NAV2: variants seen among roughly 807,000 people sequenced by gnomAD.
NAV2 encodes helicase, APC down-regulated 1.
A neutral mutation model predicts 223.2 loss-of-function variants in NAV2; 54 were observed. The ratio of observed to expected loss-of-function variants is 0.24; its 90% CI spans 0.19 to 0.30. The LOEUF (loss-of-function observed/expected upper bound fraction) is 0.30. Ranked by LOEUF, NAV2 falls within the 10% of genes least tolerant of loss-of-function variation. NAV2 has a pLI of 1.00. For missense variants in NAV2, 2,806 were observed against 3,147.5 expected, an observed-to-expected ratio of 0.89 and a Z score of 2.60; for synonymous variants, 1,279 against 1,239.3, an observed-to-expected ratio of 1.03 and a Z score of -0.67.
chr11:19,538,633 C>T (rs947691714), intron 1 of NAV2, among the ~76,000 whole-genome samples: 1 of 151,910 alleles, frequency 6.6e-6, no homozygotes, highest in Admixed American at 6.6e-5. Context: ...AGATTACAGG[C>T]GTTAGCTGCC....
intron 11 of NAV2, among the ~76,000 whole-genome samples, chr11:20,011,940 A>G (rs937106504): frequency 1.3e-5 from 2 of 152,238 alleles, no homozygotes; most frequent in African/African-American, 2.4e-5. Context: ...TGGGCTGCCA[A>G]TAAAGCTTGT....
At chr11:19,607,121 C>G (rs2046496752) in intron 1 of NAV2, among the ~76,000 whole-genome samples, 1 of 152,230 alleles carries the variant, frequency 6.6e-6, no homozygotes, top group African/African-American at 2.4e-5. Context: ...GGGCCGCTCT[C>G]AGTTTGTGTC....
intron 3 of NAV2, among the ~76,000 whole-genome samples, chr11:19,850,479 T>C (rs553653678): frequency 6.6e-6 from 1 of 152,292 alleles, no homozygotes; most frequent in South Asian, 2.1e-4. Flanking sequence ...TGAATGTGTG[T>C]GTGTGTAGCT....
chr11:19,955,788 T>C lies in NAV2; in HGVS notation c.2645+6708T>C, dbSNP rs143180448. ...AAGGCTCTTTCTTATCTGGTGAATA[T>C]GTCCAGACCAGACCTGGAGTGACCT... is the stretch of plus-strand genomic sequence containing the variant. On this transcript the variant is annotated intron_variant, in intron 10 of 37. Transcript: ENST00000349880. Among the ~76,000 whole-genome samples, 795 of 152,324 alleles carry C rather than the reference T, an allele frequency of 5.2e-3. 7 individuals carry two copies. Among genetic ancestry groups the C allele is most frequent in the African/African-American group, 0.016 (650 of 41,560 alleles).
intron 1 of NAV2, among the ~76,000 whole-genome samples, chr11:19,795,684 C>T (rs1314472943): frequency 6.6e-6 from 1 of 152,174 alleles, no homozygotes; most frequent in African/African-American, 2.4e-5. Flanking sequence ...TACTAAAGCT[C>T]ACATAATGGT....
chr11:19,468,933 T>G (rs1448055387), intron 1 of NAV2, among the ~76,000 whole-genome samples: 1 of 152,184 alleles, frequency 6.6e-6, no homozygotes, highest in East Asian at 1.9e-4. Flanking sequence ...AACTGAGGTT[T>G]GAGTCCCTGT....
At chr11:20,109,205 G>T (rs1462287811) in intron 36 of NAV2, among the ~76,000 whole-genome samples, 7 of 152,346 alleles carry the variant, frequency 4.6e-5, no homozygotes, top group African/African-American at 1.7e-4. Context: ...GAAAAGGAAA[G>T]TATTTTGCCT....
chr11:19,594,203 G>T (rs773225526), intron 1 of NAV2, among the ~76,000 whole-genome samples: 1 of 152,118 alleles, frequency 6.6e-6, no homozygotes, highest in Non-Finnish European at 1.5e-5. Context: ...GGAGCTGAAA[G>T]TGAAGGCCAG....
chr11:19,566,865 T>C (rs2045285473), intron 1 of NAV2, among the ~76,000 whole-genome samples: 2 of 152,224 alleles, frequency 1.3e-5, no homozygotes, highest in South Asian at 4.1e-4. Flanking sequence ...CACAAAGGCC[T>C]AACTCAAATC....
intron 1 of NAV2, among the ~76,000 whole-genome samples, chr11:19,717,100 A>G (rs941735321): frequency 6.6e-6 from 1 of 152,158 alleles, no homozygotes; most frequent in Non-Finnish European, 1.5e-5. Context: ...GTAACCATTG[A>G]GCTAGATGAG....
chr11:19,999,632 A>G (rs893876967), intron 11 of NAV2, among the ~76,000 whole-genome samples: 2 of 152,150 alleles, frequency 1.3e-5, no homozygotes, highest in Non-Finnish European at 2.9e-5. Flanking sequence ...CGGCCTCCCA[A>G]AGTGCTGGGA....
chr11:19,756,081 C>T (rs2054207433), intron 1 of NAV2, among the ~76,000 whole-genome samples: 2 of 152,146 alleles, frequency 1.3e-5, no homozygotes, highest in Admixed American at 1.3e-4. Context: ...TAACCTAGAG[C>T]TCAGAGCCTC....
chr11:19,784,827 T>G (rs1200683813), intron 1 of NAV2, among the ~76,000 whole-genome samples: 1 of 152,184 alleles, frequency 6.6e-6, no homozygotes, highest in East Asian at 1.9e-4. Flanking sequence ...AATGAGATAA[T>G]GAACGCAAAG....
At chr11:19,768,666 C>T (rs1343582961) in intron 1 of NAV2, among the ~76,000 whole-genome samples, 9 of 152,092 alleles carry the variant, frequency 5.9e-5, no homozygotes, top group Admixed American at 2.0e-4. Context: ...TAAGGAAATA[C>T]GCAGAAAGGC....
At chr11:19,465,450 TTTAA>T (rs1484920012) in intron 1 of NAV2, among the ~76,000 whole-genome samples, 1 of 152,254 alleles carries the variant, frequency 6.6e-6, no homozygotes, top group Non-Finnish European at 1.5e-5. Flanking sequence ...TTTTAATTAT[TTTAA>T]TTGTTATTAA....
chr11:19,618,393 G>GATGGATGGATGA (rs796800924), intron 1 of NAV2, among the ~76,000 whole-genome samples: 379 of 19,710 alleles, frequency 0.019, 11 homozygotes, highest in East Asian at 0.16. Context: ...TGGATGGATG[G>GATGGATGGATGA]ATGAATAGAT....
intron 1 of NAV2, chr11:19,511,103 C>T (rs1458017969): frequency 6.6e-6 from 1 of 152,216 alleles, no homozygotes; most frequent in Non-Finnish European, 1.5e-5. Context: ...ATCAGGATCA[C>T]ACAGCCAGAA....
chr11:19,471,444 G>T (rs781028152), intron 1 of NAV2, among the ~76,000 whole-genome samples: 1 of 152,150 alleles, frequency 6.6e-6, no homozygotes, highest in African/African-American at 2.4e-5. Context: ...TGCTTCCTCT[G>T]TGCCGGCCAT....
intron 6 of NAV2, among the ~76,000 whole-genome samples, chr11:19,922,775 T>C (rs2044387353): frequency 6.6e-6 from 1 of 152,108 alleles, no homozygotes; most frequent in African/African-American, 2.4e-5. Flanking sequence ...AGGTCCAAAA[T>C]TCTAAGATTT....
Sources: allele counts gnomAD v4.1 joint callset (sites outside exome capture counted in the v4.1 genomes callset), GRCh38; gene constraint gnomAD v4.1.1; transcripts MANE v1.5; gene names NCBI Gene and HGNC (gene_info 2026-07-23, HGNC 2026-07-21).